The following LRRIQ3 variants were observed in gnomAD, a reference collection of about 807,000 sequenced individuals.
The protein encoded by LRRIQ3 is leucine rich repeats and IQ motif containing 3.
In LRRIQ3, 75 loss-of-function variants were observed where a neutral mutation model predicts 59.3. The observed-to-expected ratio is 1.26, with a 90% CI of 1.05 to 1.53. LRRIQ3 has a LOEUF of 1.53. LRRIQ3 is among the 40% of genes most tolerant of loss of function. LRRIQ3 has a pLI of 0.00. For synonymous variants in LRRIQ3, 250 were observed against 231.3 expected (o/e 1.08, Z -0.73); for missense variants, 831 against 710.0 (o/e 1.17, Z -1.94).
At chr1:74,197,268 A>T (rs950961268) in intron 1 of LRRIQ3, among the ~76,000 whole-genome samples, 30 of 152,224 alleles carry the variant, frequency 2.0e-4, no homozygotes, top group Non-Finnish European at 4.0e-4. Flanking sequence ...AGACGTTGAT[A>T]CAGAGAAATC....
intron 7 of LRRIQ3, among the ~76,000 whole-genome samples, chr1:74,039,341 C>G (rs796516046): frequency 6.6e-6 from 1 of 151,976 alleles, no homozygotes; most frequent in African/African-American, 2.4e-5. Context: ...AAAAAATGAA[C>G]CTATGACTGA....
rs565625535 is a variant in LRRIQ3, at chr1:74,134,064, T to C, written c.707+21669A>G. On this transcript the variant is annotated intron_variant, in intron 4 of 7. Transcript: ENST00000354431. ...TTTTGACATTTTTATTACTCATTTCTAACATTATTGGAGTAAGAGTATCTG... is the reference window on the plus strand; with the variant it reads ...TTTTGACATTTTTATTACTCATTTCCAACATTATTGGAGTAAGAGTATCTG... Among the ~76,000 whole-genome samples, 4 of 152,164 alleles carry C rather than the reference T, an allele frequency of 2.6e-5. No homozygotes were observed. The South Asian group carries it at 8.3e-4, about 32-fold the overall frequency.
intron 4 of LRRIQ3, among the ~76,000 whole-genome samples, chr1:74,127,172 C>G (rs142028237): frequency 6.6e-6 from 1 of 151,708 alleles, no homozygotes; most frequent in Admixed American, 6.6e-5. Flanking sequence ...TATTCCTGAT[C>G]CTTTTTAGTT....
At chr1:74,047,830 C>A (rs1016558204) in intron 6 of LRRIQ3, among the ~76,000 whole-genome samples, 2 of 152,082 alleles carry the variant, frequency 1.3e-5, no homozygotes, top group Non-Finnish European at 2.9e-5. Flanking sequence ...CCCCAACCCC[C>A]AGTGTGGCTT....
intron 3 of LRRIQ3, among the ~76,000 whole-genome samples, chr1:74,161,486 T>C (rs752581866): frequency 6.6e-5 from 10 of 152,046 alleles, no homozygotes; most frequent in Non-Finnish European, 1.3e-4. Flanking sequence ...TTTGTGCTCA[T>C]GATGCCACCT....
intron 3 of LRRIQ3, among the ~76,000 whole-genome samples, chr1:74,179,546 G>A (rs1471936099): frequency 1.3e-5 from 2 of 151,880 alleles, no homozygotes; most frequent in Non-Finnish European, 2.9e-5. Flanking sequence ...ATTAATAAGT[G>A]CAATGTTCTA....
At chr1:74,142,302 C>G (rs1015026152) in intron 4 of LRRIQ3, among the ~76,000 whole-genome samples, 2 of 151,916 alleles carry the variant, frequency 1.3e-5, no homozygotes, top group African/African-American at 4.8e-5. Context: ...AAAAATACTG[C>G]TTCTCAAATT....
chr1:74,131,293 C>A (rs778301260), intron 4 of LRRIQ3, among the ~76,000 whole-genome samples: 2 of 151,968 alleles, frequency 1.3e-5, no homozygotes, highest in African/African-American at 4.8e-5. Flanking sequence ...TTCTACTAGA[C>A]GTACAAGGAG....
At chr1:74,192,104 C>T (rs1048989168) in intron 1 of LRRIQ3, among the ~76,000 whole-genome samples, 5 of 151,998 alleles carry the variant, frequency 3.3e-5, no homozygotes, top group African/African-American at 1.2e-4. Flanking sequence ...TAACCATTAA[C>T]CTGTAGTTCA....
chr1:74,197,279 G>C (rs1183894824), intron 1 of LRRIQ3, among the ~76,000 whole-genome samples: 2 of 152,116 alleles, frequency 1.3e-5, no homozygotes, highest in Non-Finnish European at 2.9e-5. Flanking sequence ...CAGAGAAATC[G>C]TCTCAAAAAA....
chr1:74,026,783 G>A lies in LRRIQ3; in HGVS notation c.*30C>T, dbSNP rs1653527210. ...ACTAAAAATAATGACTATAATTTAA[G>A]ATGATCATAGGATGTGATCTGGCAT... On this transcript the variant is annotated 3_prime_UTR_variant, in exon 8 of 8. Coordinates refer to ENST00000354431, the MANE Select transcript of LRRIQ3 (RefSeq NM_001105659.2). The A allele has an allele frequency of 1.3e-6, 2 of 1,544,500 alleles. No homozygotes were observed. The highest frequency in any genetic ancestry group is 1.8e-6 in the Non-Finnish European group (2 of 1,141,204).
chr1:74,099,815 A>G (rs1646504583), intron 5 of LRRIQ3, among the ~76,000 whole-genome samples: 1 of 152,200 alleles, frequency 6.6e-6, no homozygotes, highest in Admixed American at 6.5e-5. Flanking sequence ...CCACATGATT[A>G]TCTCAATAGA....
intron 1 of LRRIQ3, among the ~76,000 whole-genome samples, chr1:74,196,637 G>A (rs1404863766): frequency 1.3e-5 from 2 of 152,050 alleles, no homozygotes; most frequent in Non-Finnish European, 2.9e-5. Context: ...CATCTTAATT[G>A]ATGGCCAATC....
intron 4 of LRRIQ3, among the ~76,000 whole-genome samples, chr1:74,126,486 A>C (rs1179970362): frequency 6.6e-6 from 1 of 151,778 alleles, no homozygotes; most frequent in African/African-American, 2.4e-5. Flanking sequence ...ATTGGTGCTT[A>C]TAGCTATAAA....
intron 6 of LRRIQ3, among the ~76,000 whole-genome samples, chr1:74,043,290 A>G (rs1344245438): frequency 6.6e-6 from 1 of 152,126 alleles, no homozygotes; most frequent in Non-Finnish European, 1.5e-5. Context: ...TCTTCCTTAG[A>G]AAATTACCTT....
chr1:74,194,417 T>C lies in LRRIQ3; in HGVS notation c.-1+3579A>G, dbSNP rs145808343. Reference sequence around the variant, plus strand: ...CACAAAACATTATATTTTCATGGCATATTCTATATGTTTTCAAATGACATG... The same window carrying C: ...CACAAAACATTATATTTTCATGGCACATTCTATATGTTTTCAAATGACATG... On this transcript the variant is annotated intron_variant, in intron 1 of 7. Transcript: ENST00000354431. 2.0e-3 allele frequency among the ~76,000 whole-genome samples: 299 copies of C among 152,338 alleles called. 1 individual carries two copies. The highest frequency in any genetic ancestry group is 6.7e-3 in the African/African-American group (277 of 41,578).
chr1:74,063,798 G>T (rs1654795538), intron 6 of LRRIQ3, among the ~76,000 whole-genome samples: 3 of 151,882 alleles, frequency 2.0e-5, no homozygotes, highest in Admixed American at 2.0e-4. Context: ...AAGTGTGTTT[G>T]CTTTAAAAAG....
chr1:74,150,353 GA>G (rs1303860801), intron 4 of LRRIQ3, among the ~76,000 whole-genome samples: 2 of 152,054 alleles, frequency 1.3e-5, no homozygotes, highest in East Asian at 3.9e-4. Flanking sequence ...CTCTTACATA[GA>G]ACTGAATTGA....
intron 4 of LRRIQ3, among the ~76,000 whole-genome samples, chr1:74,116,854 G>A (rs1415807434): frequency 6.6e-6 from 1 of 152,008 alleles, no homozygotes; most frequent in African/African-American, 2.4e-5. Context: ...GGTATAAATT[G>A]CAGAAGCATG....
Sources: allele counts gnomAD v4.1 joint callset (sites outside exome capture counted in the v4.1 genomes callset), GRCh38; gene constraint gnomAD v4.1.1; transcripts MANE v1.5; gene names NCBI Gene and HGNC (gene_info 2026-07-23, HGNC 2026-07-21).